The following RANBP2 variants were observed in gnomAD, a reference collection of about 807,000 sequenced individuals.
The protein encoded by RANBP2 is E3 SUMO-protein ligase RanBP2.
In RANBP2, 57 loss-of-function variants were observed where a neutral mutation model predicts 303.6. The ratio of observed to expected loss-of-function variants is 0.19; its 90% confidence interval spans 0.15 to 0.23. The LOEUF (loss-of-function observed/expected upper bound fraction) is 0.23. Among genes scored for constraint, RANBP2 ranks in the 10% least tolerant of loss-of-function variants. RANBP2 has a pLI of 1.00. For synonymous variants in RANBP2, 1,167 were observed against 1,301.5 expected (o/e 0.90, Z 2.23); for missense variants, 3,138 against 3,780.8 (o/e 0.83, Z 4.46).
the RANBP2 span, chr2:109,347,914 A>G: frequency 2.0e-5 from 32 of 1,609,554 alleles, no homozygotes; most frequent in Non-Finnish European, 2.5e-5. Flanking sequence ...GATGAAGGAC[A>G]AAGACCAAGA....
At chr2:108,896,100 C>A in the RANBP2 span, 1 of 152,186 alleles carries the variant, frequency 6.6e-6, no homozygotes, top group African/African-American at 2.4e-5. Flanking sequence ...CACAGGGTTC[C>A]CAGGCCAAAG....
rs771753276 is a variant in RANBP2, at chr2:108,767,968, A to C, written c.7429A>C (p.Arg2477=). The change falls in exon 20 of 29, where the codon AGA becomes CGA. Residue 2477 remains arginine (R), a synonymous_variant. Coordinates refer to ENST00000283195, the MANE Select transcript of RANBP2 (RefSeq NM_006267.5). ...IAVAVLEETT[R]ERTDVIQGDD... is the part of the protein sequence containing the mutation. ...TGTAGCTGTATTAGAAGAAACCACA[A>C]GAGAGAGGACAGATGTTATTCAGGG... The C allele has an allele frequency of 3.1e-6, 5 of 1,611,942 alleles. No homozygotes were observed. In the South Asian group the frequency reaches 5.5e-5, roughly 18 times the overall value.
the RANBP2 span, among the ~76,000 whole-genome samples, chr2:109,133,189 C>T: frequency 1.3e-5 from 2 of 152,312 alleles, no homozygotes; most frequent in African/African-American, 4.8e-5. Context: ...CAAGGAAGGA[C>T]ATTGTCACAA....
At chr2:108,867,286 C>T in the RANBP2 span, among the ~76,000 whole-genome samples, 20 of 152,278 alleles carry the variant, frequency 1.3e-4, no homozygotes, top group African/African-American at 4.3e-4. Flanking sequence ...GAAGCTAGAA[C>T]TCCAGAACTG....
At chr2:109,629,300 A>AAGAT in the RANBP2 span, among the ~76,000 whole-genome samples, 8 of 105,814 alleles carry the variant, frequency 7.6e-5, no homozygotes, top group South Asian at 3.0e-4. Context: ...ACCTGGCCTA[A>AAGAT]AGATATATAT....
At chr2:108,869,723 C>T in the RANBP2 span, among the ~76,000 whole-genome samples, 1 of 152,140 alleles carries the variant, frequency 6.6e-6, no homozygotes, top group Non-Finnish European at 1.5e-5. Context: ...CAGGCCCAGA[C>T]AGGATGCATG....
At chr2:109,427,474 A>C in the RANBP2 span, among the ~76,000 whole-genome samples, 2 of 152,166 alleles carry the variant, frequency 1.3e-5, no homozygotes, top group African/African-American at 4.8e-5. Flanking sequence ...CTGTACCTGG[A>C]GGGCTGTTGA....
the RANBP2 span, among the ~76,000 whole-genome samples, chr2:109,398,054 A>G: frequency 1.3e-5 from 2 of 152,102 alleles, no homozygotes; most frequent in Admixed American, 1.3e-4. Context: ...TACTGAAAAG[A>G]GCTTCTGTGG....
the RANBP2 span, among the ~76,000 whole-genome samples, chr2:109,337,541 G>A: frequency 6.6e-6 from 1 of 152,194 alleles, no homozygotes; most frequent in Non-Finnish European, 1.5e-5. Flanking sequence ...CACCCTCAGC[G>A]TTTCCACCCT....
chr2:109,513,406 A>G, the RANBP2 span, among the ~76,000 whole-genome samples: 1 of 151,584 alleles, frequency 6.6e-6, no homozygotes, highest in Non-Finnish European at 1.5e-5. Context: ...GCATGCACAT[A>G]CTCCACATGC....
the RANBP2 span, among the ~76,000 whole-genome samples, chr2:109,117,881 T>C: frequency 6.6e-6 from 1 of 152,338 alleles, no homozygotes; most frequent in Non-Finnish European, 1.5e-5. Context: ...GTGGAGTCTA[T>C]TTCTCTGATC....
the RANBP2 span, among the ~76,000 whole-genome samples, chr2:108,897,414 C>T: frequency 6.6e-6 from 1 of 152,124 alleles, no homozygotes; most frequent in African/African-American, 2.4e-5. Flanking sequence ...ACGCTGCCAG[C>T]CACAAGAGAG....
chr2:108,882,953 T>G, the RANBP2 span: 1 of 150,450 alleles, frequency 6.6e-6, no homozygotes, highest in African/African-American at 2.5e-5. Context: ...TTAAAGGGTG[T>G]GAGGTAGGGG....
chr2:109,369,001 TCC>T, the RANBP2 span, among the ~76,000 whole-genome samples: 2 of 151,822 alleles, frequency 1.3e-5, no homozygotes, highest in African/African-American at 4.8e-5. Context: ...TGTGGGCGCC[TCC>T]CCCAAGCCAG....
chr2:108,935,282 G>A, the RANBP2 span, among the ~76,000 whole-genome samples: 2 of 152,140 alleles, frequency 1.3e-5, no homozygotes, highest in African/African-American at 2.4e-5. Flanking sequence ...CCCCAGCCAG[G>A]CACTACCATG....
the RANBP2 span, among the ~76,000 whole-genome samples, chr2:109,082,748 G>A: frequency 2.0e-5 from 3 of 152,150 alleles, no homozygotes. Flanking sequence ...TTGGGAGTTG[G>A]AGGCTGCAGT....
the RANBP2 span, among the ~76,000 whole-genome samples, chr2:108,855,320 C>T: frequency 2.0e-5 from 3 of 151,946 alleles, no homozygotes; most frequent in African/African-American, 7.2e-5. Flanking sequence ...TAGTAGTCAG[C>T]CTATTTTTAA....
In RANBP2 at chr2:108,755,023, A is replaced by T. The variant is rs1676189155; in HGVS notation, c.2321A>T (p.Glu774Val). 1.2e-6 allele frequency: 2 copies of T among 1,611,828 alleles called. No individual in the cohort carries two copies. The highest frequency in any genetic ancestry group is 2.7e-5 in the African/African-American group (2 of 74,836). Residue 774 changes from glutamate (E) to valine (V), a missense_variant, in exon 16 of 29, where the codon GAA becomes GTA. Physicochemically the swap from Glu to Val is moderately radical, Grantham distance 121. Transcript: ENST00000283195. ...KNGSLRNADS[E>V]IKHSTPSPTR... ...GGTTCTTTGCGAAATGCAGATTCAG[A>T]AATAAAACATTCTACACCGTCTCCT...
the RANBP2 span, among the ~76,000 whole-genome samples, chr2:109,440,913 C>A: frequency 1.3e-5 from 2 of 152,094 alleles, no homozygotes; most frequent in Non-Finnish European, 2.9e-5. Context: ...AGAATACACA[C>A]CAGCTGGAAA....
Sources: allele counts gnomAD v4.1 joint callset (sites outside exome capture counted in the v4.1 genomes callset), GRCh38; gene constraint gnomAD v4.1.1; transcripts MANE v1.5; gene names NCBI Gene and HGNC (gene_info 2026-07-23, HGNC 2026-07-21).